The following ST13 variants were observed in gnomAD, a reference collection of about 807,000 sequenced individuals.
The protein encoded by ST13 is ST13 Hsp70 interacting protein.
Under a neutral mutation model 56.7 loss-of-function variants are expected in ST13, and 23 were observed. The ratio of observed to expected loss-of-function variants is 0.41; its 90% CI spans 0.29 to 0.57. The LOEUF is 0.57. Among genes scored for constraint, ST13 ranks in the 20% least tolerant of loss-of-function variants. The pLI is 0.36. For synonymous variants in ST13, 132 were observed against 142.4 expected, an observed-to-expected ratio of 0.93 and a Z score of 0.52; for missense variants, 369 against 459.9, an observed-to-expected ratio of 0.80 and a Z score of 1.81.
At chr22:40,849,612 C>A (rs1037911698) in intron 2 of ST13, among the ~76,000 whole-genome samples, 15 of 151,250 alleles carry the variant, frequency 9.9e-5, no homozygotes, top group Non-Finnish European at 2.1e-4. Context: ...AGCCATAATT[C>A]TAGTTTAGAA....
intron 8 of ST13, 148 bp downstream of exon 8, chr22:40,832,421 C>T (rs543879711): frequency 1.4e-5 from 9 of 628,916 alleles, no homozygotes; most frequent in Middle Eastern, 3.8e-4. Context: ...TCTCCAGAGT[C>T]GAGCACAAAC....
intron 5 of ST13, 69 bp from the exon 6 acceptor site, chr22:40,835,956 T>C: frequency 8.4e-7 from 1 of 1,195,384 alleles, no homozygotes; most frequent in Non-Finnish European, 1.2e-6. Context: ...TTTTGATCTG[T>C]TATCCAGTTA....
rs532055951 is a variant in ST13 at position 40,831,322 on chromosome 22, T to C, written c.682-366A>G. 3.9e-4 allele frequency among the ~76,000 whole-genome samples: 60 copies of C among 152,326 alleles called. 1 individual carries two copies. The highest frequency in any genetic ancestry group is 2.5e-4 in the Non-Finnish European group (17 of 68,020). ...CTGAATTCAGTAGGAAGAGTATTAT[T>C]ACGGATGTCTGCCGTGGGAAGGCAG... On this transcript the variant is annotated intron_variant, in intron 8 of 11. Transcript: ENST00000216218.
At chr22:40,844,537 T>A (rs572793044) in intron 4 of ST13, among the ~76,000 whole-genome samples, 1 of 152,308 alleles carries the variant, frequency 6.6e-6, no homozygotes, top group Non-Finnish European at 1.5e-5. Context: ...GTAATACAAT[T>A]TGGCATTAGA....
In ST13 at chr22:40,826,505, C is replaced by A; in HGVS notation, c.*33G>T. ...CCATAAGGTGATCTAGGTTGCTTTT[C>A]CTTCAGCAAGGGCTTTATTTATCAG... is the stretch of plus-strand genomic sequence containing the variant. On this transcript the variant is annotated 3_prime_UTR_variant, in exon 12 of 12. Coordinates refer to ENST00000216218, the MANE Select transcript of ST13 (RefSeq NM_003932.5). 6.3e-7 allele frequency: 1 copy of A among 1,594,542 alleles called. No individual in the cohort carries two copies.
At chr22:40,832,236 A>G (rs951446235) in intron 8 of ST13, 2 of 477,392 alleles carry the variant, frequency 4.2e-6, no homozygotes, top group Non-Finnish European at 8.6e-6. Context: ...ATAAGGACAC[A>G]TCAGATTCAA....
chr22:40,840,401 A>G (rs1464414308), intron 5 of ST13, among the ~76,000 whole-genome samples: 3 of 151,278 alleles, frequency 2.0e-5, no homozygotes, highest in Non-Finnish European at 4.4e-5. Context: ...AAACACCACG[A>G]TAGGGTCAGG....
intron 7 of ST13, among the ~76,000 whole-genome samples, chr22:40,834,271 T>C (rs1230056930): frequency 2.0e-5 from 3 of 152,096 alleles, no homozygotes; most frequent in Admixed American, 2.0e-4. Context: ...GGCAACAGAG[T>C]GAGACTCTGT....
rs2057895345 is a variant in ST13 at position 40,856,355 on chromosome 22, C to T, written c.110+76G>A. The T allele has an allele frequency of 6.0e-6, 8 of 1,329,570 alleles. No individual in the cohort carries two copies. The South Asian group carries it at 9.5e-5, about 16-fold the overall frequency. 82.4% of individuals were successfully genotyped at this position (1,329,570 alleles called of 1,614,324 possible). A position where few individuals can be genotyped will look rare whatever the true frequency, so the allele number is the denominator to read the frequency against. ...AGCGACCCCGCCTCGCCCGCCGGAC[C>T]GAGCCAGGTCCAGCCTGGCTCCCCC... On this transcript the variant is annotated intron_variant, in intron 1 of 11. Transcript: ENST00000216218.
intron 9 of ST13, among the ~76,000 whole-genome samples, chr22:40,830,610 C>G (rs952383240): frequency 1.3e-5 from 2 of 152,218 alleles, no homozygotes; most frequent in East Asian, 3.9e-4. Flanking sequence ...TTTATAAAAA[C>G]ACAAACAAGA....
chr22:40,832,322 G>T, intron 8 of ST13: 1 of 515,652 alleles, frequency 1.9e-6, no homozygotes, highest in Admixed American at 2.8e-5. Context: ...CTAATTTTCT[G>T]GTTATAATTC....
At chr22:40,852,945 G>T (rs2057869321) in intron 1 of ST13, among the ~76,000 whole-genome samples, 2 of 152,194 alleles carry the variant, frequency 1.3e-5, no homozygotes, top group Admixed American at 1.3e-4. Flanking sequence ...ATAACTTACA[G>T]TACACTAACT....
chr22:40,852,004 A>C (rs764533781), intron 1 of ST13, among the ~76,000 whole-genome samples: 3 of 152,116 alleles, frequency 2.0e-5, no homozygotes, highest in Non-Finnish European at 4.4e-5. Flanking sequence ...TGGCCTCCCA[A>C]AGTGCTGGAT....
In ST13 at chr22:40,824,923, T is replaced by C. The variant is rs1438391904; in HGVS notation, c.*1615A>G. The C allele has an allele frequency of 2.6e-5, 4 of 152,320 alleles. No individual in the cohort carries two copies. In the East Asian group the frequency reaches 7.7e-4, roughly 29 times the overall value. The allele number at this position is 152,320 out of a possible 1,614,324, so 9.4% of individuals were successfully genotyped here. On this transcript the variant is annotated 3_prime_UTR_variant, in exon 12 of 12. Transcript: ENST00000216218. ...AGAACCTGAATAAACTTATTTATGA[T>C]TTCAGAAATGTGGTATTTTAGAAAT...
Position 40,824,554 on chromosome 22 carries a change from T to C in ST13, c.*1984A>G, listed in dbSNP as rs2057718999. ...AGAATATTGAGTTGAAAATTAAGAA[T>C]GTATATTATGGAATTTAAAAATCTA... On this transcript the variant is annotated 3_prime_UTR_variant, in exon 12 of 12. Coordinates refer to ENST00000216218, the MANE Select transcript of ST13 (RefSeq NM_003932.5). 6.6e-6 allele frequency: 1 copy of C among 152,222 alleles called. No individual in the cohort carries two copies. The highest frequency in any genetic ancestry group is 1.5e-5 in the Non-Finnish European group (1 of 68,032). The allele number at this position is 152,222 out of a possible 1,614,324, so 9.4% of individuals were successfully genotyped here. A position where few individuals can be genotyped will look rare whatever the true frequency, so the allele number is the denominator to read the frequency against.
At chr22:40,852,663 T>C (rs2057867888) in intron 1 of ST13, among the ~76,000 whole-genome samples, 1 of 152,244 alleles carries the variant, frequency 6.6e-6, no homozygotes, top group African/African-American at 2.4e-5. Flanking sequence ...ACCCTTAATA[T>C]GGAATAGCTC....
At chr22:40,839,448 A>G (rs1296987424) in intron 5 of ST13, among the ~76,000 whole-genome samples, 1 of 152,202 alleles carries the variant, frequency 6.6e-6, no homozygotes. Context: ...CTTACAAATT[A>G]TAACCGATCA....
At chr22:40,844,952 A>G (rs2057823612) in intron 3 of ST13, 43 bp from the exon 4 acceptor site, 1 of 1,418,924 alleles carries the variant, frequency 7.0e-7, no homozygotes. Context: ...GCACCGTACA[A>G]TATAGTAGCC....
rs562129405 is a variant in ST13, at chr22:40,825,287, C to A, written c.*1251G>T. On this transcript the variant is annotated 3_prime_UTR_variant, in exon 12 of 12. Coordinates refer to ENST00000216218, the MANE Select transcript of ST13 (RefSeq NM_003932.5). ...CACAATGAATAACTGTGGATTATCT[C>A]ATTTATAATTCACATTGGATAAAAA... 1 of 152,272 alleles carries A rather than the reference C, an allele frequency of 6.6e-6. No homozygotes were observed. Among genetic ancestry groups the A allele is most frequent in the East Asian group, 1.9e-4 (1 of 5,180 alleles). The allele number at this position is 152,272 out of a possible 1,614,324, so 9.4% of individuals were successfully genotyped here. A position where few individuals can be genotyped will look rare whatever the true frequency, so the allele number is the denominator to read the frequency against.
Sources: allele counts gnomAD v4.1 joint callset (sites outside exome capture counted in the v4.1 genomes callset), GRCh38; gene constraint gnomAD v4.1.1; transcripts MANE v1.5; gene names NCBI Gene and HGNC (gene_info 2026-07-23, HGNC 2026-07-21).